Variants in SLC9A9 observed in about 807,000 individuals in gnomAD.
SLC9A9 encodes the protein sodium/hydrogen exchanger 9.
SLC9A9 carries 62 observed loss-of-function variants against 77.8 expected under a neutral mutation model. The ratio of observed to expected loss-of-function variants is 0.80; its 90% CI spans 0.65 to 0.98. The LOEUF is 0.98. Among genes scored for constraint, SLC9A9 ranks in the 50% least tolerant of loss-of-function variants. The pLI is 0.00. For synonymous variants in SLC9A9, 320 were observed against 283.5 expected (o/e 1.13, Z -1.29); for missense variants, 775 against 774.9 (o/e 1.00, Z 0.00).
intron 9 of SLC9A9, among the ~76,000 whole-genome samples, chr3:143,536,977 G>C (rs1400924438): frequency 6.6e-6 from 1 of 152,088 alleles, no homozygotes; most frequent in African/African-American, 2.4e-5. Context: ...CAGAATCTCT[G>C]GGGGAGCCAC....
chr3:143,566,327 C>T (rs2037168447), intron 8 of SLC9A9, among the ~76,000 whole-genome samples: 3 of 152,114 alleles, frequency 2.0e-5, no homozygotes, highest in South Asian at 4.1e-4. Context: ...GGAGAACAGG[C>T]TTAGGGGAAG....
chr3:143,619,486 G>A (rs2038161830), intron 6 of SLC9A9, among the ~76,000 whole-genome samples: 1 of 152,188 alleles, frequency 6.6e-6, no homozygotes, highest in African/African-American at 2.4e-5. Context: ...CATTTTCCAT[G>A]CATAGCAGTC....
chr3:143,331,761 C>T (rs1430760627), intron 14 of SLC9A9, among the ~76,000 whole-genome samples: 1 of 152,114 alleles, frequency 6.6e-6, no homozygotes. Context: ...TACTGAGCAT[C>T]AATGATGTGC....
At chr3:143,599,157 T>C (rs957237171) in intron 6 of SLC9A9, among the ~76,000 whole-genome samples, 1 of 152,180 alleles carries the variant, frequency 6.6e-6, no homozygotes. Flanking sequence ...GTGTGCCTCA[T>C]GGGGAAAGGA....
At chr3:143,269,174 G>A (rs761237042) in intron 14 of SLC9A9, among the ~76,000 whole-genome samples, 194 bp from the exon 15 acceptor site, 10 of 152,154 alleles carry the variant, frequency 6.6e-5, no homozygotes, top group Non-Finnish European at 8.8e-5. Context: ...CTTCCTGATA[G>A]CCTTTATTCA....
intron 5 of SLC9A9, among the ~76,000 whole-genome samples, chr3:143,673,508 C>T (rs1229990564): frequency 6.7e-6 from 1 of 149,872 alleles, no homozygotes; most frequent in Non-Finnish European, 1.5e-5. Context: ...CAGTGAAATA[C>T]CAATCCAAAT....
intron 12 of SLC9A9, among the ~76,000 whole-genome samples, chr3:143,424,781 T>A (rs1028381450): frequency 1.2e-4 from 18 of 151,942 alleles, no homozygotes; most frequent in African/African-American, 4.4e-4. Flanking sequence ...AGGAGTGAGG[T>A]GGTTAAAAAC....
At chr3:143,832,965 A>G (rs1216823864) in intron 1 of SLC9A9, among the ~76,000 whole-genome samples, 2 of 152,146 alleles carry the variant, frequency 1.3e-5, no homozygotes, top group East Asian at 3.8e-4. Context: ...CTTGTAGCCA[A>G]ATGCATTCTA....
chr3:143,738,151 G>T (rs1285949785), intron 4 of SLC9A9, among the ~76,000 whole-genome samples: 1 of 152,120 alleles, frequency 6.6e-6, no homozygotes, highest in Admixed American at 6.5e-5. Flanking sequence ...TGCTAGACTT[G>T]GGAGACAGGA....
chr3:143,667,451 C>T (rs1469405538), intron 5 of SLC9A9, among the ~76,000 whole-genome samples: 2 of 152,146 alleles, frequency 1.3e-5, no homozygotes, highest in East Asian at 1.9e-4. Flanking sequence ...ACACCAAAAG[C>T]AATGGCAACA....
intron 14 of SLC9A9, among the ~76,000 whole-genome samples, chr3:143,297,885 C>T (rs906296558): frequency 6.6e-5 from 10 of 152,054 alleles, no homozygotes; most frequent in Admixed American, 2.6e-4. Context: ...GATGTATGTG[C>T]CTGGAAAAAG....
chr3:143,692,502 G>T (rs1413249276), intron 5 of SLC9A9, among the ~76,000 whole-genome samples: 1 of 152,116 alleles, frequency 6.6e-6, no homozygotes, highest in Non-Finnish European at 1.5e-5. Context: ...TATAAATAAG[G>T]TGATTGCCCA....
intron 4 of SLC9A9, among the ~76,000 whole-genome samples, chr3:143,778,082 C>G (rs2007756788): frequency 7.5e-6 from 1 of 134,042 alleles, no homozygotes; most frequent in African/African-American, 2.8e-5. Flanking sequence ...TTTTTCATTA[C>G]AGGATATAAA....
chr3:143,752,990 G>A (rs9881418), intron 4 of SLC9A9, among the ~76,000 whole-genome samples: 69,036 of 151,970 alleles, frequency 0.45, 16,530 homozygotes, highest in East Asian at 0.77. Context: ...GATTTATTGA[G>A]TAAGTAGGCA....
In SLC9A9 at chr3:143,703,106, C is replaced by T. The variant is rs116050244; in HGVS notation, c.534-9799G>A. 2.2e-3 allele frequency among the ~76,000 whole-genome samples: 327 copies of T among 151,846 alleles called. 1 individual carries two copies. Among genetic ancestry groups the T allele is most frequent in the African/African-American group, 7.4e-3 (307 of 41,436 alleles). On this transcript the variant is annotated intron_variant, in intron 4 of 15. Transcript: ENST00000316549. ...TTTCGAGCTAAAGAGTGAGATAGAC[C>T]CCAATACAATAATAGCTGGAGACTT...
chr3:143,442,071 A>G (rs1449440308), intron 12 of SLC9A9, among the ~76,000 whole-genome samples: 2 of 152,020 alleles, frequency 1.3e-5, no homozygotes, highest in African/African-American at 2.4e-5. Context: ...CCACTCATCA[A>G]TCCAACCATT....
chr3:143,267,459 C>T (rs1041005639), intron 15 of SLC9A9, among the ~76,000 whole-genome samples: 2 of 150,004 alleles, frequency 1.3e-5, no homozygotes, highest in Non-Finnish European at 2.9e-5. Flanking sequence ...AAGTGATTCC[C>T]CTGCTTCAGC....
intron 12 of SLC9A9, among the ~76,000 whole-genome samples, chr3:143,446,291 GGAAACT>G (rs1235951066): frequency 6.6e-6 from 1 of 152,036 alleles, no homozygotes; most frequent in African/African-American, 2.4e-5. Flanking sequence ...TGGAGTTTAA[GGAAACT>G]GATGCAGGAG....
At chr3:143,776,933 G>C (rs1342640327) in intron 4 of SLC9A9, among the ~76,000 whole-genome samples, 2 of 152,108 alleles carry the variant, frequency 1.3e-5, no homozygotes, top group Non-Finnish European at 2.9e-5. Flanking sequence ...AATTCAATTA[G>C]GGGAATGGTA....
Sources: allele counts gnomAD v4.1 joint callset (sites outside exome capture counted in the v4.1 genomes callset), GRCh38; gene constraint gnomAD v4.1.1; transcripts MANE v1.5; gene names NCBI Gene and HGNC (gene_info 2026-07-23, HGNC 2026-07-21).